Variants in DGKB observed in about 807,000 individuals in gnomAD.
DGKB encodes diacylglycerol kinase beta, also known as 90 kDa diacylglycerol kinase.
A neutral mutation model predicts 114.3 loss-of-function variants in DGKB; 67 were observed. That is an observed-to-expected ratio of 0.59 (90% CI 0.48 to 0.72). The LOEUF (loss-of-function observed/expected upper bound fraction) is 0.72. Ranked by LOEUF, DGKB falls within the 30% of genes least tolerant of loss-of-function variation. DGKB has a pLI of 0.00. For missense variants in DGKB, 907 were observed against 975.2 expected (o/e 0.93, Z 0.93); for synonymous variants, 398 against 323.1 (o/e 1.23, Z -2.49).
chr7:14,707,284 T>G (rs1222135238), intron 6 of DGKB, among the ~76,000 whole-genome samples: 57 of 148,796 alleles, frequency 3.8e-4, no homozygotes, highest in South Asian at 2.4e-3. Context: ...TTGAATCTCT[T>G]AATAGACCAA....
chr7:14,670,990 G>C (rs1818868296), intron 13 of DGKB, among the ~76,000 whole-genome samples: 1 of 152,062 alleles, frequency 6.6e-6, no homozygotes, highest in Admixed American at 6.6e-5. Context: ...TCAATCAAAA[G>C]AGCTATAATT....
At chr7:14,845,151 A>T (rs1848478582) in intron 1 of DGKB, among the ~76,000 whole-genome samples, 1 of 150,996 alleles carries the variant, frequency 6.6e-6, no homozygotes, top group Admixed American at 6.6e-5. Flanking sequence ...AAAGAAAGAA[A>T]AAAAGGAAGA....
chr7:14,906,407 T>G (rs994383882), upstream of DGKB, among the ~76,000 whole-genome samples: 1 of 151,644 alleles, frequency 6.6e-6, no homozygotes, highest in African/African-American at 2.4e-5. Context: ...TCAGAAGTTA[T>G]TGACATTAGA....
At chr7:14,536,657 A>T (rs544996299) in intron 20 of DGKB, among the ~76,000 whole-genome samples, 1 of 152,322 alleles carries the variant, frequency 6.6e-6, no homozygotes, top group South Asian at 2.1e-4. Context: ...TATATATTAG[A>T]TATAGAAGGA....
intron 23 of DGKB, among the ~76,000 whole-genome samples, chr7:14,187,489 C>T: frequency 6.6e-6 from 1 of 152,192 alleles, no homozygotes; most frequent in East Asian, 1.9e-4. Flanking sequence ...CTTTCCTAGA[C>T]AGATTGCCAC....
chr7:14,224,225 A>G (rs78220362), intron 23 of DGKB, among the ~76,000 whole-genome samples: 8,785 of 151,960 alleles, frequency 0.058, 524 homozygotes, highest in East Asian at 0.24. Context: ...TTTGGATTAT[A>G]TAATCTTTAC....
chr7:14,315,343 G>C (rs1041404045), intron 23 of DGKB, among the ~76,000 whole-genome samples: 1 of 149,440 alleles, frequency 6.7e-6, no homozygotes, highest in Non-Finnish European at 1.5e-5. Flanking sequence ...CTGGCAAATT[G>C]GATAAAGAGT....
intron 2 of DGKB, among the ~76,000 whole-genome samples, chr7:14,778,722 C>T (rs1838607747): frequency 6.6e-6 from 1 of 152,182 alleles, no homozygotes; most frequent in South Asian, 2.1e-4. Flanking sequence ...AGGGAGTTGA[C>T]TTGTAACCTT....
At chr7:14,226,314 A>G (rs1371274018) in intron 23 of DGKB, among the ~76,000 whole-genome samples, 1 of 151,970 alleles carries the variant, frequency 6.6e-6, no homozygotes, top group Non-Finnish European at 1.5e-5. Context: ...TTCTGACCTG[A>G]TATGAAACAC....
In DGKB at chr7:14,658,704, C is replaced by T. The variant is rs534495482; in HGVS notation, c.1134+14225G>A. On this transcript the variant is annotated intron_variant, in intron 13 of 25. Transcript: ENST00000402815. ...ATAAACATGTACAAATATTATATAT[C>T]AATACAGAATAAAATTCATATTTTA... Among the ~76,000 whole-genome samples the T allele has an allele frequency of 2.6e-5, 4 of 151,338 alleles. 1 individual carries two copies. The highest frequency in any genetic ancestry group is 4.2e-4 in the South Asian group (2 of 4,788).
chr7:14,929,238 G>T (rs777740401), intron 1 of DGKB, among the ~76,000 whole-genome samples: 5 of 151,810 alleles, frequency 3.3e-5, no homozygotes, highest in Non-Finnish European at 7.4e-5. Context: ...ATTTCCTTTG[G>T]GTAGATAACC....
At chr7:14,336,372 C>G (rs1810668276) in intron 23 of DGKB, among the ~76,000 whole-genome samples, 1 of 152,064 alleles carries the variant, frequency 6.6e-6, no homozygotes, top group Non-Finnish European at 1.5e-5. Context: ...TGAAATAATA[C>G]TAAATCAAAA....
At chr7:14,497,860 A>G (rs781615589) in intron 20 of DGKB, among the ~76,000 whole-genome samples, 2 of 151,890 alleles carry the variant, frequency 1.3e-5, no homozygotes, top group African/African-American at 4.8e-5. Context: ...TATTTCCACA[A>G]TACCCACTGA....
chr7:14,151,898 G>A lies in DGKB; in HGVS notation c.2305-2660C>T, dbSNP rs189345063. ...TTACATGTCTTGGTATATTTGGGCA[G>A]AAGCAAAATCCTACGAGAGTAATTC... is the stretch of plus-strand genomic sequence containing the variant. On this transcript the variant is annotated intron_variant, in intron 25 of 25. Coordinates refer to ENST00000402815, the MANE Select transcript of DGKB (RefSeq NM_001350709.2). Among the ~76,000 whole-genome samples, 342 of 152,142 alleles carry A rather than the reference G, an allele frequency of 2.2e-3. 1 individual carries two copies. The highest frequency in any genetic ancestry group is 3.4e-3 in the Middle Eastern group (1 of 294).
intron 23 of DGKB, among the ~76,000 whole-genome samples, chr7:14,318,352 C>G (rs1050840178): frequency 5.3e-5 from 8 of 151,812 alleles, no homozygotes; most frequent in South Asian, 2.1e-4. Context: ...AACAGGCAAC[C>G]TATAGAATGG....
At chr7:14,896,466 T>A (rs12532013) in intron 1 of DGKB, among the ~76,000 whole-genome samples, 2,447 of 151,438 alleles carry the variant, frequency 0.016, 47 homozygotes, top group Non-Finnish European at 0.021. Context: ...TTTTGTAGCC[T>A]CAATAAATAT....
At chr7:14,807,831 G>C (rs1205038544) in intron 2 of DGKB, among the ~76,000 whole-genome samples, 1 of 151,882 alleles carries the variant, frequency 6.6e-6, no homozygotes, top group Non-Finnish European at 1.5e-5. Flanking sequence ...ATTATGAAAA[G>C]CATGTCCTCA....
chr7:14,814,881 T>C (rs1229651127), intron 2 of DGKB, among the ~76,000 whole-genome samples: 1 of 152,224 alleles, frequency 6.6e-6, no homozygotes, highest in Non-Finnish European at 1.5e-5. Context: ...AGAAAAGTTT[T>C]ATTCTAATAC....
At position 14,945,280 on chromosome 7, in the gene DGKB, C is replaced by T. The variant is rs190521505; in HGVS notation, c.-188+29416G>A. Among the ~76,000 whole-genome samples, 36 of 151,698 alleles carry T rather than the reference C, an allele frequency of 2.4e-4. 1 individual carries two copies. The East Asian group carries it at 7.0e-3, about 29-fold the overall frequency. ...TGTTTACATGAAACATAAAAGCAGGCAAAACTCATCAATAGAGTTAGAAGG... is the reference window on the plus strand; with the variant it reads ...TGTTTACATGAAACATAAAAGCAGGTAAAACTCATCAATAGAGTTAGAAGG... On this transcript the variant is annotated intron_variant, in intron 1 of 4. Coordinates refer to the DGKB transcript ENST00000437998.
Sources: gnomAD v4.1 joint callset for allele counts (sites outside exome capture counted in the v4.1 genomes callset) on GRCh38, gnomAD v4.1.1 for gene constraint, MANE v1.5 for transcripts, NCBI Gene and HGNC (gene_info 2026-07-23, HGNC 2026-07-21) for gene names.